The following THRB variants were observed in gnomAD, a reference collection of about 807,000 sequenced individuals.
THRB encodes thyroid hormone receptor beta.
Under a neutral mutation model 47.8 loss-of-function variants are expected in THRB, and 12 were observed. The observed-to-expected ratio is 0.25, with a 90% CI of 0.16 to 0.41. The LOEUF (loss-of-function observed/expected upper bound fraction) is 0.41, where lower values mean the gene tolerates loss of function less well. THRB is among the 10% of genes least tolerant of loss of function. The probability of loss-of-function intolerance (pLI) is 1.00; values close to 1 mark genes in which losing one functional copy is unlikely to be tolerated. For synonymous variants in THRB, 218 were observed against 212.2 expected (o/e 1.03, Z -0.24); for missense variants, 348 against 589.2 (o/e 0.59, Z 4.24).
At chr3:24,161,653 C>CACAG (rs1553624053) in intron 5 of THRB, among the ~76,000 whole-genome samples, 5 of 150,710 alleles carry the variant, frequency 3.3e-5, no homozygotes, top group South Asian at 2.1e-4. Flanking sequence ...CACACACACA[C>CACAG]AGACAGAATT....
At chr3:24,331,616 T>C (rs923400729) in intron 2 of THRB, among the ~76,000 whole-genome samples, 4 of 152,164 alleles carry the variant, frequency 2.6e-5, no homozygotes, top group Non-Finnish European at 5.9e-5. Flanking sequence ...TATGTATGCA[T>C]GTGTGTATGA....
chr3:24,461,899 C>G (rs961746215), intron 1 of THRB, among the ~76,000 whole-genome samples: 9 of 152,172 alleles, frequency 5.9e-5, no homozygotes, highest in African/African-American at 1.9e-4. Flanking sequence ...GCACAGATTG[C>G]CATGCACCTA....
intron 1 of THRB, among the ~76,000 whole-genome samples, chr3:24,396,265 T>C (rs991681327): frequency 6.6e-6 from 1 of 152,106 alleles, no homozygotes; most frequent in Non-Finnish European, 1.5e-5. Flanking sequence ...ATCTGGGGCA[T>C]TTCTCAAATC....
chr3:24,322,212 T>C (rs2058532575), intron 2 of THRB, among the ~76,000 whole-genome samples: 1 of 152,192 alleles, frequency 6.6e-6, no homozygotes, highest in African/African-American at 2.4e-5. Context: ...GAAACAATTA[T>C]ACAGGTATAC....
chr3:24,228,922 A>G lies in THRB; in HGVS notation c.22+16T>C, dbSNP rs1338741036. On this transcript the variant is annotated intron_variant, in intron 4 of 10. Coordinates refer to ENST00000646209, the MANE Select transcript of THRB (RefSeq NM_001354712.2). ...AAATGGAGGCACACAAAGAAAATGT[A>G]AAAAAAAAAAGATACCTGTCATACT... 16 of 892,466 alleles carry G rather than the reference A, an allele frequency of 1.8e-5. No homozygotes were observed. The highest frequency in any genetic ancestry group is 4.5e-5 in the South Asian group (2 of 44,766). 55.3% of individuals were successfully genotyped at this position (892,466 alleles called of 1,614,324 possible). A position where few individuals can be genotyped will look rare whatever the true frequency, so the allele number is the denominator to read the frequency against.
intron 1 of THRB, among the ~76,000 whole-genome samples, chr3:24,383,125 C>G (rs2065834585): frequency 1.3e-5 from 2 of 152,132 alleles, no homozygotes; most frequent in Admixed American, 6.6e-5. Flanking sequence ...CGATTAATAT[C>G]TATTTCCTTT....
At chr3:24,287,819 T>C (rs1235517484) in intron 3 of THRB, among the ~76,000 whole-genome samples, 2 of 152,206 alleles carry the variant, frequency 1.3e-5, no homozygotes, top group Non-Finnish European at 2.9e-5. Flanking sequence ...TCACTTTCTA[T>C]TGTCAAATGA....
intron 3 of THRB, among the ~76,000 whole-genome samples, chr3:24,280,259 C>T (rs554369379): frequency 6.6e-6 from 1 of 152,246 alleles, no homozygotes; most frequent in East Asian, 1.9e-4. Context: ...CAGACTGCTT[C>T]CTCAAGTGGG....
At chr3:24,255,070 C>T (rs1275803323) in intron 3 of THRB, among the ~76,000 whole-genome samples, 1 of 152,148 alleles carries the variant, frequency 6.6e-6, no homozygotes, top group East Asian at 1.9e-4. Flanking sequence ...AGACATCCAC[C>T]AAGATATAGG....
intron 1 of THRB, among the ~76,000 whole-genome samples, chr3:24,389,906 T>C (rs145550859): frequency 6.6e-6 from 1 of 152,254 alleles, no homozygotes; most frequent in African/African-American, 2.4e-5. Context: ...CCACAAGAGA[T>C]GCAGTTGAAT....
At chr3:24,223,894 G>C (rs907955930) in intron 4 of THRB, among the ~76,000 whole-genome samples, 3 of 147,922 alleles carry the variant, frequency 2.0e-5, no homozygotes, top group Admixed American at 6.7e-5. Context: ...ATGTGTGTGT[G>C]GGGGGGGTAT....
chr3:24,427,397 T>C (rs546476476), intron 1 of THRB, among the ~76,000 whole-genome samples: 2 of 152,152 alleles, frequency 1.3e-5, no homozygotes, highest in Admixed American at 1.3e-4. Context: ...AACCCTGCAC[T>C]GAAGTTGGAT....
chr3:24,139,229 A>G (rs1387437850), intron 8 of THRB, among the ~76,000 whole-genome samples: 1 of 152,240 alleles, frequency 6.6e-6, no homozygotes, highest in Non-Finnish European at 1.5e-5. Context: ...GAAGCTTTAA[A>G]GAGTGGCTTT....
chr3:24,224,296 T>C (rs1211143473), intron 4 of THRB, among the ~76,000 whole-genome samples: 1 of 152,214 alleles, frequency 6.6e-6, no homozygotes, highest in Non-Finnish European at 1.5e-5. Context: ...ATTATGTTAA[T>C]AGCCTAATAA....
At chr3:24,258,049 T>C (rs1392609366) in intron 3 of THRB, among the ~76,000 whole-genome samples, 2 of 152,190 alleles carry the variant, frequency 1.3e-5, no homozygotes, top group Non-Finnish European at 2.9e-5. Context: ...CAAAACACTC[T>C]CTTTGTATGA....
intron 1 of THRB, among the ~76,000 whole-genome samples, chr3:24,418,682 C>T (rs1259724365): frequency 6.6e-6 from 1 of 151,832 alleles, no homozygotes; most frequent in Non-Finnish European, 1.5e-5. Flanking sequence ...TAGGGTGAGG[C>T]CCAGGAATCT....
chr3:24,139,397 T>C (rs1322045553), intron 8 of THRB, among the ~76,000 whole-genome samples: 2 of 151,654 alleles, frequency 1.3e-5, no homozygotes. Flanking sequence ...TTCTTTTTTT[T>C]TTTTGAGACA....
At chr3:24,314,732 A>T (rs2057998426) in intron 2 of THRB, among the ~76,000 whole-genome samples, 1 of 152,082 alleles carries the variant, frequency 6.6e-6, no homozygotes, top group Non-Finnish European at 1.5e-5. Flanking sequence ...AACATGGAAC[A>T]CCCCAAACCT....
chr3:24,204,787 C>T (rs1320740270), intron 4 of THRB, among the ~76,000 whole-genome samples: 2 of 152,132 alleles, frequency 1.3e-5, no homozygotes, highest in South Asian at 2.1e-4. Flanking sequence ...ACTACAATTA[C>T]CAGTGTAGAG....
Sources: allele counts gnomAD v4.1 joint callset (sites outside exome capture counted in the v4.1 genomes callset), GRCh38; gene constraint gnomAD v4.1.1; transcripts MANE v1.5; gene names NCBI Gene and HGNC (gene_info 2026-07-23, HGNC 2026-07-21).